The following BMPR2 variants were observed in gnomAD, a reference collection of about 807,000 sequenced individuals.
BMPR2 encodes the protein bone morphogenetic protein receptor type 2.
A neutral mutation model predicts 100.8 loss-of-function variants in BMPR2; 29 were observed. The observed-to-expected ratio is 0.29, with a 90% CI of 0.21 to 0.39. The LOEUF (loss-of-function observed/expected upper bound fraction) is 0.39, where lower values mean the gene tolerates loss of function less well. Among genes scored for constraint, BMPR2 ranks in the 10% least tolerant of loss-of-function variants. The pLI is 1.00. For synonymous variants in BMPR2, 382 were observed against 442.3 expected, an observed-to-expected ratio of 0.86 and a Z score of 1.71; for missense variants, 1,011 against 1,274.5, an observed-to-expected ratio of 0.79 and a Z score of 3.15.
chr2:202,555,879 G>T lies in BMPR2; in HGVS notation c.2214G>T (p.Leu738=), dbSNP rs774116216. Reference sequence around the variant, plus strand: ...AAGCATGTTTGATTCCTGATGTTCTGCCTACTCAGATCTATCCTCTCCCCA... The same window carrying T: ...AAGCATGTTTGATTCCTGATGTTCTTCCTACTCAGATCTATCCTCTCCCCA... The part of the protein sequence containing the change: ...NGQACLIPDV[L]PTQIYPLPKQ... Residue 738 remains leucine, a synonymous_variant, in exon 12 of 13, where the codon CTG becomes CTT. Transcript: ENST00000374580. 11 of 1,613,998 alleles carry T rather than the reference G, an allele frequency of 6.8e-6. No homozygotes were observed. In the South Asian group the frequency reaches 1.2e-4, roughly 18 times the overall value.
chr2:202,555,259 T>TC lies in BMPR2; in HGVS notation c.1595dup (p.His533ThrfsTer2). The TC allele has an allele frequency of 6.2e-7, 1 of 1,613,942 alleles. No homozygotes were observed. The highest frequency in any genetic ancestry group is 8.5e-7 in the Non-Finnish European group (1 of 1,179,812). ...TTTTTTTCTTTCTTTAAGCAACCTG[T>TC]CACATAATAGGCGTGTGCCAAAAAT... On this transcript the variant is annotated frameshift_variant, in exon 12 of 13. Transcript: ENST00000374580. LOFTEE classifies it high-confidence loss of function.
intron 1 of BMPR2, among the ~76,000 whole-genome samples, chr2:202,461,130 C>T (rs576065105): frequency 5.3e-5 from 8 of 152,252 alleles, no homozygotes; most frequent in Admixed American, 2.0e-4. Flanking sequence ...AGGCACAAGA[C>T]GCTGCACTCG....
intron 3 of BMPR2, among the ~76,000 whole-genome samples, chr2:202,499,937 A>C (rs182002469): frequency 6.6e-6 from 1 of 152,290 alleles, no homozygotes; most frequent in East Asian, 1.9e-4. Flanking sequence ...AGTATGGTTT[A>C]CTAGGACACT....
At chr2:202,423,616 A>T (rs1691316576) in intron 1 of BMPR2, among the ~76,000 whole-genome samples, 1 of 151,670 alleles carries the variant, frequency 6.6e-6, no homozygotes, top group South Asian at 2.1e-4. Flanking sequence ...ATTTCTCGGG[A>T]TGTTGGCGTG....
chr2:202,393,874 TGAGAGAGCGAGAGAGAGA>T (rs1690601298), intron 1 of BMPR2, among the ~76,000 whole-genome samples: 1 of 76,650 alleles, frequency 1.3e-5, no homozygotes, highest in Non-Finnish European at 2.5e-5. Flanking sequence ...ATTAAGGTAA[TGAGAGAGCGAGAGAGAGA>T]GAGAGAGAGA....
intron 1 of BMPR2, among the ~76,000 whole-genome samples, chr2:202,450,507 C>T (rs545479056): frequency 1.0e-3 from 154 of 152,120 alleles, no homozygotes; most frequent in African/African-American, 3.6e-3. Context: ...GCCTGACCAA[C>T]ATGGAGAAAC....
intron 9 of BMPR2, among the ~76,000 whole-genome samples, chr2:202,535,327 A>C (rs1401840416): frequency 2.0e-5 from 3 of 149,810 alleles, no homozygotes; most frequent in Non-Finnish European, 3.0e-5. Context: ...CACTTCTCAG[A>C]CGGGGCGGTT....
rs745451170 is a variant in BMPR2 at position 202,518,811 on chromosome 2, A to C, written c.622-11A>C. 6.2e-7 allele frequency: 1 copy of C among 1,611,546 alleles called. No homozygotes were observed. The highest frequency in any genetic ancestry group is 1.1e-5 in the South Asian group (1 of 91,018). On this transcript the variant is annotated splice_polypyrimidine_tract_variant and intron_variant, in intron 5 of 12. Coordinates refer to ENST00000374580, the MANE Select transcript of BMPR2 (RefSeq NM_001204.7). ...GATATTAATACCTTGCTTTCTTTAAAACACTTGCAGCTGATTGGCCGAGGT... is the reference window on the plus strand; with the variant it reads ...GATATTAATACCTTGCTTTCTTTAACACACTTGCAGCTGATTGGCCGAGGT...
intron 1 of BMPR2, among the ~76,000 whole-genome samples, chr2:202,390,193 C>A (rs1036158104): frequency 6.6e-6 from 1 of 152,064 alleles, no homozygotes; most frequent in Non-Finnish European, 1.5e-5. Context: ...GATTATTGAT[C>A]TGGGACAGTT....
At chr2:202,460,995 C>T (rs1025366879) in intron 1 of BMPR2, among the ~76,000 whole-genome samples, 2 of 151,830 alleles carry the variant, frequency 1.3e-5, no homozygotes, top group African/African-American at 4.8e-5. Flanking sequence ...GGACTGCAGG[C>T]ATGCACTACC....
intron 1 of BMPR2, among the ~76,000 whole-genome samples, chr2:202,412,150 A>G (rs1691025144): frequency 6.6e-6 from 1 of 152,220 alleles, no homozygotes; most frequent in African/African-American, 2.4e-5. Flanking sequence ...CCAACTAAAA[A>G]GTTGAAAACA....
intron 1 of BMPR2, among the ~76,000 whole-genome samples, chr2:202,422,186 C>T (rs568700999): frequency 1.3e-5 from 2 of 152,284 alleles, no homozygotes; most frequent in Admixed American, 6.5e-5. Context: ...GGATTACAGG[C>T]GTGAGCCACT....
intron 9 of BMPR2, among the ~76,000 whole-genome samples, chr2:202,537,682 A>C (rs1415285932): frequency 1.3e-5 from 2 of 152,124 alleles, no homozygotes; most frequent in African/African-American, 4.8e-5. Flanking sequence ...TATGTTATGT[A>C]TATTCTACCA....
rs886055491 is a variant in BMPR2 at position 202,565,468 on chromosome 2, C to T, written c.*5522C>T. On this transcript the variant is annotated 3_prime_UTR_variant, in exon 13 of 13. Transcript: ENST00000374580. ...TTTGAAAGTGGATTCAACCATCAGA[C>T]CACCAGCAAATCGGCACTTAATTTT... is the stretch of plus-strand genomic sequence containing the variant. The T allele has an allele frequency of 3.3e-5, 5 of 152,540 alleles. No homozygotes were observed. Among genetic ancestry groups the T allele is most frequent in the South Asian group, 4.1e-4 (2 of 4,830 alleles). The allele number at this position is 152,540 out of a possible 1,614,324, so 9.4% of individuals were successfully genotyped here.
chr2:202,425,259 C>G (rs745909999), intron 1 of BMPR2, among the ~76,000 whole-genome samples: 1 of 152,174 alleles, frequency 6.6e-6, no homozygotes, highest in Non-Finnish European at 1.5e-5. Context: ...ATCTTCACCC[C>G]TTGCCCCAGC....
At chr2:202,407,681 A>T (rs1319322209) in intron 1 of BMPR2, among the ~76,000 whole-genome samples, 1 of 150,874 alleles carries the variant, frequency 6.6e-6, no homozygotes, top group Non-Finnish European at 1.5e-5. Context: ...AGGCAGGAGA[A>T]TGGAGTGAAC....
intron 3 of BMPR2, among the ~76,000 whole-genome samples, chr2:202,500,795 A>G (rs1488622575): frequency 6.6e-5 from 10 of 152,166 alleles, no homozygotes; most frequent in African/African-American, 2.4e-4. Context: ...GCTCTCTCAA[A>G]TACCAGAGGA....
chr2:202,387,460 A>G (rs1055746641), intron 1 of BMPR2, among the ~76,000 whole-genome samples: 3 of 152,228 alleles, frequency 2.0e-5, no homozygotes, highest in Admixed American at 6.5e-5. Context: ...ATGGCTCCAA[A>G]GCAAAACATT....
chr2:202,448,800 T>G lies in BMPR2; in HGVS notation c.77-16009T>G, dbSNP rs189776242. On this transcript the variant is annotated intron_variant, in intron 1 of 12. Transcript: ENST00000374580. ...GTGTAGACTCCAGGATATATAAGCC[T>G]CTTAGAGGTTTAAGCGTGGCTTATG... 2.3e-3 allele frequency among the ~76,000 whole-genome samples: 342 copies of G among 151,876 alleles called. 1 individual carries two copies. The highest frequency in any genetic ancestry group is 7.8e-3 in the African/African-American group (321 of 41,410).
Sources: allele counts gnomAD v4.1 joint callset (sites outside exome capture counted in the v4.1 genomes callset), GRCh38; gene constraint gnomAD v4.1.1; transcripts MANE v1.5; gene names NCBI Gene and HGNC (gene_info 2026-07-23, HGNC 2026-07-21).